Variants in WFDC11 observed in about 807,000 individuals in gnomAD.
WFDC11 encodes protein WFDC11.
Under a neutral mutation model 9.9 loss-of-function variants are expected in WFDC11, and 9 were observed. The ratio of observed to expected loss-of-function variants is 0.91; its 90% CI spans 0.55 to 1.58. The LOEUF is 1.58. WFDC11 is among the 40% of genes most tolerant of loss of function. The pLI is 0.00. For synonymous variants in WFDC11, 32 were observed against 33.3 expected (o/e 0.96, Z 0.13); for missense variants, 106 against 101.7 (o/e 1.04, Z -0.18).
intron 3 of WFDC11, 31 bp from the exon 4 acceptor site, chr20:45,649,430 A>T (rs762897851): frequency 2.8e-5 from 45 of 1,610,074 alleles, no homozygotes; most frequent in Non-Finnish European, 1.8e-5. Flanking sequence ...TCAAAGGTTG[A>T]TGGTATGTTT....
chr20:45,659,833 T>A (rs1221787022), intron 2 of WFDC11, among the ~76,000 whole-genome samples: 2 of 152,246 alleles, frequency 1.3e-5, no homozygotes, highest in East Asian at 1.9e-4. Flanking sequence ...CTTCTAGGGT[T>A]TTTATGGTTT....
chr20:45,666,879 T>C (rs965276588), intron 2 of WFDC11, among the ~76,000 whole-genome samples: 8 of 152,230 alleles, frequency 5.3e-5, no homozygotes, highest in Non-Finnish European at 1.2e-4. Flanking sequence ...CAGGATATCA[T>C]ATATGGAGGC....
At chr20:45,656,101 AC>A (rs775529477) in intron 2 of WFDC11, among the ~76,000 whole-genome samples, 21 of 152,052 alleles carry the variant, frequency 1.4e-4, no homozygotes, top group Non-Finnish European at 2.8e-4. Context: ...TTCATATGGA[AC>A]CAAAAAAGAG....
chr20:45,653,781 C>G lies in WFDC11; in HGVS notation c.-51-3130G>C, dbSNP rs552724505. Among the ~76,000 whole-genome samples, 187 of 152,228 alleles carry G rather than the reference C, an allele frequency of 1.2e-3. 2 individuals carry two copies. In the South Asian group the frequency reaches 0.037, roughly 30 times the overall value. On this transcript the variant is annotated intron_variant, in intron 2 of 4. Coordinates refer to ENST00000324384, the MANE Select transcript of WFDC11 (RefSeq NM_147197.2). ...ACAAAAAAAGTCAGGGGTTGCAATC[C>G]TAGTCTCTGATAAAACAGACTTTAA...
At chr20:45,665,353 G>A (rs748153457) in intron 2 of WFDC11, among the ~76,000 whole-genome samples, 1 of 152,112 alleles carries the variant, frequency 6.6e-6, no homozygotes, top group Non-Finnish European at 1.5e-5. Flanking sequence ...CTTGCAATGG[G>A]TTCAAACATC....
chr20:45,650,247 T>TATAG (rs536980234), intron 3 of WFDC11, among the ~76,000 whole-genome samples: 149 of 148,926 alleles, frequency 1.0e-3, no homozygotes, highest in African/African-American at 3.4e-3. Flanking sequence ...TGTATATATA[T>TATAG]AGAGAGAGAG....
At chr20:45,661,199 G>C (rs1282813998) in intron 2 of WFDC11, among the ~76,000 whole-genome samples, 3 of 152,078 alleles carry the variant, frequency 2.0e-5, no homozygotes, top group African/African-American at 7.2e-5. Context: ...GTGTTTTTTG[G>C]CTGCATAAAT....
At chr20:45,653,365 G>C (rs1332358771) in intron 2 of WFDC11, among the ~76,000 whole-genome samples, 1 of 152,014 alleles carries the variant, frequency 6.6e-6, no homozygotes, top group South Asian at 2.1e-4. Context: ...ATACTTTATA[G>C]ACAAGCAAAT....
intron 2 of WFDC11, among the ~76,000 whole-genome samples, chr20:45,650,941 G>A (rs1372798523): frequency 6.6e-6 from 1 of 152,078 alleles, no homozygotes; most frequent in African/African-American, 2.4e-5. Context: ...TTAGGTTTGG[G>A]GTACATGTGA....
chr20:45,652,463 T>C (rs901993819), intron 2 of WFDC11, among the ~76,000 whole-genome samples: 3 of 152,006 alleles, frequency 2.0e-5, no homozygotes, highest in African/African-American at 7.2e-5. Flanking sequence ...CAAAGGTAGA[T>C]AAAACCACAA....
At chr20:45,650,314 G>A (rs924919835) in intron 3 of WFDC11, among the ~76,000 whole-genome samples, 187 bp downstream of exon 3, 1 of 152,116 alleles carries the variant, frequency 6.6e-6, no homozygotes, top group Admixed American at 6.5e-5. Context: ...GGTTAAAAGA[G>A]GAAGCATTGA....
chr20:45,666,080 A>C (rs546792702), intron 2 of WFDC11, among the ~76,000 whole-genome samples: 1 of 152,268 alleles, frequency 6.6e-6, no homozygotes, highest in East Asian at 1.9e-4. Flanking sequence ...GGCTCTGCCT[A>C]ATTTGAGCTT....
At position 45,651,801 on chromosome 20, in the gene WFDC11, G is replaced by A. The variant is rs141134958; in HGVS notation, c.-51-1150C>T. Among the ~76,000 whole-genome samples the A allele has an allele frequency of 3.3e-5, 5 of 152,326 alleles. No homozygotes were observed. In the East Asian group the frequency reaches 9.7e-4, roughly 29 times the overall value. On this transcript the variant is annotated intron_variant, in intron 2 of 4. Coordinates refer to ENST00000324384, the MANE Select transcript of WFDC11 (RefSeq NM_147197.2). ...ACCAGGAGATTATATCCCATGCATGGCTCAGAGGGTCCTATGACCACGGAG... is the reference window on the plus strand; with the variant it reads ...ACCAGGAGATTATATCCCATGCATGACTCAGAGGGTCCTATGACCACGGAG...
At chr20:45,654,862 C>A (rs1982888534) in intron 2 of WFDC11, among the ~76,000 whole-genome samples, 1 of 152,198 alleles carries the variant, frequency 6.6e-6, no homozygotes, top group Admixed American at 6.5e-5. Context: ...GACACCTACA[C>A]CCTCCCAAGA....
chr20:45,651,090 C>T (rs74354106), intron 2 of WFDC11, among the ~76,000 whole-genome samples: 1 of 152,126 alleles, frequency 6.6e-6, no homozygotes, highest in African/African-American at 2.4e-5. Context: ...CAAGTAGACC[C>T]CAGTGTTGGT....
intron 1 of WFDC11, among the ~76,000 whole-genome samples, chr20:45,668,671 G>A (rs545704833): frequency 6.6e-6 from 1 of 152,064 alleles, no homozygotes; most frequent in East Asian, 1.9e-4. Flanking sequence ...TTTTTCTTAT[G>A]TACATATATA....
intron 2 of WFDC11, among the ~76,000 whole-genome samples, chr20:45,655,649 G>T: frequency 6.6e-6 from 1 of 152,324 alleles, no homozygotes. Flanking sequence ...AATTGTCCCT[G>T]TTTGCAGATG....
chr20:45,668,362 T>C (rs1983228665), intron 1 of WFDC11, among the ~76,000 whole-genome samples: 1 of 152,166 alleles, frequency 6.6e-6, no homozygotes, highest in Non-Finnish European at 1.5e-5. Context: ...GCCTGTAGAT[T>C]GTCCTAACAT....
At chr20:45,651,466 A>C (rs892834492) in intron 2 of WFDC11, among the ~76,000 whole-genome samples, 1 of 152,172 alleles carries the variant, frequency 6.6e-6, no homozygotes, top group African/African-American at 2.4e-5. Context: ...CATTTTCATG[A>C]AAATGAACAT....
Sources: allele counts gnomAD v4.1 joint callset (sites outside exome capture counted in the v4.1 genomes callset), GRCh38; gene constraint gnomAD v4.1.1; transcripts MANE v1.5; gene names NCBI Gene and HGNC (gene_info 2026-07-23, HGNC 2026-07-21).